The following DPP10 variants were observed in gnomAD, a reference collection of about 807,000 sequenced individuals.
DPP10 encodes dipeptidyl peptidase like 10.
In DPP10, 33 loss-of-function variants were observed where a neutral mutation model predicts 120.9. The ratio of observed to expected loss-of-function variants is 0.27; its 90% CI spans 0.21 to 0.37. The LOEUF (loss-of-function observed/expected upper bound fraction) is 0.37, where lower values mean the gene tolerates loss of function less well. Among genes scored for constraint, DPP10 ranks in the 10% least tolerant of loss-of-function variants. DPP10 has a pLI of 1.00. For missense variants in DPP10, 816 were observed against 942.8 expected (o/e 0.87, Z 1.76); for synonymous variants, 337 against 326.1 (o/e 1.03, Z -0.36).
chr2:114,451,552 G>C (rs185467065), intron 1 of DPP10, among the ~76,000 whole-genome samples: 2 of 152,050 alleles, frequency 1.3e-5, no homozygotes, highest in Non-Finnish European at 2.9e-5. Flanking sequence ...TTCAGAAACA[G>C]AGAAAATGTG....
rs1485695392 is a variant in DPP10, at chr2:114,916,939, A to G, written c.61-392300A>G. Among the ~76,000 whole-genome samples the G allele has an allele frequency of 2.6e-5, 4 of 152,212 alleles. No individual in the cohort carries two copies. The East Asian group carries it at 7.7e-4, about 29-fold the overall frequency. Reference sequence around the variant, plus strand: ...AAGAATGCCCACGCTGACCATTTCTATTAAACATAGTACTGGAAGTCCCAG... The same window carrying G: ...AAGAATGCCCACGCTGACCATTTCTGTTAAACATAGTACTGGAAGTCCCAG... On this transcript the variant is annotated intron_variant, in intron 1 of 25. Coordinates refer to ENST00000410059, the MANE Select transcript of DPP10 (RefSeq NM_020868.6).
In DPP10 at chr2:115,535,829, C is replaced by G. The variant is rs540067768; in HGVS notation, c.441+9857C>G. Among the ~76,000 whole-genome samples the G allele has an allele frequency of 2.0e-3, 307 of 152,050 alleles. 1 individual carries two copies. Among genetic ancestry groups the G allele is most frequent in the African/African-American group, 6.4e-3 (265 of 41,448 alleles). ...AGTTCTCCTTGAAGAGGTCCTTCAC[C>G]TCCCTTGTAAGTTGGATTCCTAGGT... On this transcript the variant is annotated intron_variant, in intron 5 of 25. Transcript: ENST00000410059.
At chr2:115,800,694 T>A (rs1478554962) in intron 19 of DPP10, among the ~76,000 whole-genome samples, 4 of 152,210 alleles carry the variant, frequency 2.6e-5, no homozygotes, top group Admixed American at 2.6e-4. Context: ...AAATAGGGAA[T>A]CCTTTCCCCA....
chr2:114,594,321 G>A (rs1010789249), intron 1 of DPP10, among the ~76,000 whole-genome samples: 14 of 151,484 alleles, frequency 9.2e-5, no homozygotes, highest in African/African-American at 3.4e-4. Flanking sequence ...ACAGCCTATT[G>A]TGGGATCTTG....
chr2:115,622,829 C>CTTTTTTTTTTTTTTTTTT (rs765780452), intron 5 of DPP10, among the ~76,000 whole-genome samples: 4 of 128,326 alleles, frequency 3.1e-5, no homozygotes, highest in African/African-American at 5.8e-5. Context: ...TTCGTTTATT[C>CTTTTTTTTTTTTTTTTTT]TTTTTTTTTT....
At chr2:114,458,675 G>C (rs1241805451) in intron 1 of DPP10, among the ~76,000 whole-genome samples, 1 of 152,074 alleles carries the variant, frequency 6.6e-6, no homozygotes, top group Non-Finnish European at 1.5e-5. Context: ...TGTTAGATAG[G>C]ATAATAATGT....
chr2:115,507,032 G>GCACACACA lies in DPP10; in HGVS notation c.366+7429_366+7430insACACACAC, dbSNP rs34873744. ...TTGGCTGCATTACACACACACGCAC[G>GCACACACA]CGCACACACACACACACACACACAG... On this transcript the variant is annotated intron_variant, in intron 4 of 25. Coordinates refer to ENST00000410059, the MANE Select transcript of DPP10 (RefSeq NM_020868.6). Among the ~76,000 whole-genome samples, 976 of 148,818 alleles carry GCACACACA rather than the reference G, an allele frequency of 6.6e-3. 6 individuals carry two copies. Among genetic ancestry groups the GCACACACA allele is most frequent in the African/African-American group, 0.022 (882 of 39,444 alleles).
chr2:115,391,078 C>T (rs970864199), intron 3 of DPP10, among the ~76,000 whole-genome samples: 8 of 152,084 alleles, frequency 5.3e-5, no homozygotes, highest in African/African-American at 1.9e-4. Context: ...GTCAAGAAGG[C>T]TAATGCATAT....
At chr2:114,896,503 A>C (rs1325444229) in intron 1 of DPP10, among the ~76,000 whole-genome samples, 1 of 152,012 alleles carries the variant, frequency 6.6e-6, no homozygotes, top group African/African-American at 2.4e-5. Context: ...AGCAATTGTG[A>C]ATGGGAGTTC....
At chr2:114,910,488 T>C (rs1694289142) in intron 1 of DPP10, among the ~76,000 whole-genome samples, 1 of 152,074 alleles carries the variant, frequency 6.6e-6, no homozygotes, top group African/African-American at 2.4e-5. Flanking sequence ...AGCTGAAGAA[T>C]GAATTGTTAT....
intron 1 of DPP10, among the ~76,000 whole-genome samples, chr2:114,728,203 G>A (rs1676537015): frequency 6.6e-6 from 1 of 152,210 alleles, no homozygotes; most frequent in Admixed American, 6.5e-5. Context: ...GAGGCAGGCA[G>A]GGAGAAGGAA....
chr2:115,721,354 C>G, intron 7 of DPP10, among the ~76,000 whole-genome samples: 1 of 152,140 alleles, frequency 6.6e-6, no homozygotes, highest in Non-Finnish European at 1.5e-5. Context: ...TTGGTTCAAA[C>G]TATGTGATCT....
chr2:115,190,052 TATC>T, intron 1 of DPP10, among the ~76,000 whole-genome samples: 1 of 152,198 alleles, frequency 6.6e-6, no homozygotes, highest in East Asian at 1.9e-4. Context: ...TTTCTGCTAA[TATC>T]ATGTCTAAGG....
rs182728412 is a variant in DPP10 at position 115,640,267 on chromosome 2, T to G, written c.442-49420T>G. On this transcript the variant is annotated intron_variant, in intron 5 of 25. Coordinates refer to ENST00000410059, the MANE Select transcript of DPP10 (RefSeq NM_020868.6). ...CCAACATTCCCCCAAATAAAAGAACTAGTAATGGAGGAAGGCAGGTCCTGA... is the reference window on the plus strand; with the variant it reads ...CCAACATTCCCCCAAATAAAAGAACGAGTAATGGAGGAAGGCAGGTCCTGA... Among the ~76,000 whole-genome samples, 605 of 151,984 alleles carry G rather than the reference T, an allele frequency of 4.0e-3. 7 individuals are homozygous for G. Among genetic ancestry groups the G allele is most frequent in the Middle Eastern group, 0.014 (4 of 294 alleles).
chr2:115,281,033 C>A (rs757868636), intron 1 of DPP10, among the ~76,000 whole-genome samples: 1 of 152,100 alleles, frequency 6.6e-6, no homozygotes, highest in Non-Finnish European at 1.5e-5. Context: ...TTTTATGTTG[C>A]CTTTTTGGTC....
chr2:115,533,526 T>C (rs927833110), intron 5 of DPP10, among the ~76,000 whole-genome samples: 1 of 152,126 alleles, frequency 6.6e-6, no homozygotes, highest in South Asian at 2.1e-4. Flanking sequence ...CTGCATGCAC[T>C]ACTGCTTTAA....
At chr2:115,802,606 G>A (rs1685396679) in intron 19 of DPP10, among the ~76,000 whole-genome samples, 1 of 152,158 alleles carries the variant, frequency 6.6e-6, no homozygotes, top group African/African-American at 2.4e-5. Flanking sequence ...CTTTGAATGT[G>A]TCCCAGAGAT....
chr2:114,494,828 A>G (rs970663505), intron 1 of DPP10, among the ~76,000 whole-genome samples: 1 of 152,162 alleles, frequency 6.6e-6, no homozygotes, highest in Non-Finnish European at 1.5e-5. Flanking sequence ...ACATACTCCA[A>G]AAGGTTTGGT....
intron 21 of DPP10, among the ~76,000 whole-genome samples, chr2:115,816,655 T>C (rs1687263872): frequency 6.7e-6 from 1 of 149,950 alleles, no homozygotes; most frequent in Non-Finnish European, 1.5e-5. Context: ...TCTCACTCTG[T>C]TGCCAGGCTG....
Sources: allele counts gnomAD v4.1 joint callset (sites outside exome capture counted in the v4.1 genomes callset), GRCh38; gene constraint gnomAD v4.1.1; transcripts MANE v1.5; gene names NCBI Gene and HGNC (gene_info 2026-07-23, HGNC 2026-07-21).